Variants in NCAM2 observed in about 807,000 individuals in gnomAD.
The protein encoded by NCAM2 is N-CAM-2.
NCAM2 carries 30 observed loss-of-function variants against 98.1 expected under a neutral mutation model. That is an observed-to-expected ratio of 0.31 (90% CI 0.23 to 0.41). NCAM2 has a LOEUF of 0.41. NCAM2 is among the 10% of genes least tolerant of loss of function. NCAM2 has a pLI of 1.00. For synonymous variants in NCAM2, 368 were observed against 342.4 expected (o/e 1.07, Z -0.83); for missense variants, 867 against 1,005.8 (o/e 0.86, Z 1.87).
At chr21:21,346,301 T>C (rs1194317165) in intron 8 of NCAM2, among the ~76,000 whole-genome samples, 1 of 150,580 alleles carries the variant, frequency 6.6e-6, no homozygotes, top group Non-Finnish European at 1.5e-5. Context: ...AAGGTTAATA[T>C]ATAATGACAA....
intron 9 of NCAM2, among the ~76,000 whole-genome samples, chr21:21,408,489 T>G (rs887026098): frequency 1.2e-4 from 18 of 152,162 alleles, no homozygotes; most frequent in African/African-American, 3.6e-4. Context: ...GAATCAAGAT[T>G]ATAAAGCTGT....
intron 1 of NCAM2, among the ~76,000 whole-genome samples, chr21:21,138,725 T>C (rs1222344814): frequency 6.6e-6 from 1 of 152,124 alleles, no homozygotes; most frequent in Admixed American, 6.6e-5. Context: ...ATTTGAAAAA[T>C]AGACTTAATA....
rs776751254 is a variant in NCAM2, at chr21:20,998,542, C to T, written c.-22C>T. On this transcript the variant is annotated 5_prime_UTR_variant, in exon 1 of 18. Transcript: ENST00000400546. ...CTGGACTTAATAACTTTGAAACTGT[C>T]CACCGGTGTCACGTCCTGAACATGA... 5 of 1,612,904 alleles carry T rather than the reference C, an allele frequency of 3.1e-6. No individual in the cohort carries two copies. The Admixed American group carries it at 6.7e-5, about 21-fold the overall frequency.
chr21:21,227,434 C>T (rs1267716924), intron 1 of NCAM2, among the ~76,000 whole-genome samples: 4 of 151,536 alleles, frequency 2.6e-5, no homozygotes, highest in Non-Finnish European at 5.9e-5. Flanking sequence ...ATACAGAAAA[C>T]GTAGTCAAAA....
intron 8 of NCAM2, among the ~76,000 whole-genome samples, chr21:21,366,442 A>C (rs958180421): frequency 2.0e-4 from 30 of 152,084 alleles, no homozygotes; most frequent in African/African-American, 7.2e-4. Flanking sequence ...ATCTTATTTA[A>C]TTCTCACCAG....
chr21:21,180,087 T>C (rs529417031), intron 1 of NCAM2, among the ~76,000 whole-genome samples: 1 of 152,282 alleles, frequency 6.6e-6, no homozygotes, highest in East Asian at 1.9e-4. Flanking sequence ...GTCCTTCCTC[T>C]TGGCTTCTCC....
chr21:21,465,375 A>G (rs2611834), intron 12 of NCAM2, among the ~76,000 whole-genome samples: 80,058 of 151,572 alleles, frequency 0.53, 22,070 homozygotes, highest in African/African-American at 0.59. Flanking sequence ...GAGCCCAAGA[A>G]TTCAACACCA....
intron 1 of NCAM2, among the ~76,000 whole-genome samples, chr21:21,258,840 C>T (rs527551000): frequency 6.6e-5 from 10 of 152,156 alleles, no homozygotes; most frequent in East Asian, 2.0e-4. Context: ...AGAGTGCCTG[C>T]GGAGCTGCAG....
At chr21:21,521,358 C>A (rs1190635329) in intron 16 of NCAM2, among the ~76,000 whole-genome samples, 1 of 152,144 alleles carries the variant, frequency 6.6e-6, no homozygotes, top group Non-Finnish European at 1.5e-5. Flanking sequence ...TACCCCTACT[C>A]AGTATGTTAT....
intron 7 of NCAM2, among the ~76,000 whole-genome samples, chr21:21,335,915 G>C (rs1027957338): frequency 6.6e-6 from 1 of 152,062 alleles, no homozygotes; most frequent in Non-Finnish European, 1.5e-5. Flanking sequence ...ATTACACCTA[G>C]TGGGGTTTGT....
chr21:21,337,528 T>G (rs1172395111), intron 7 of NCAM2, among the ~76,000 whole-genome samples: 3 of 152,032 alleles, frequency 2.0e-5, no homozygotes, highest in African/African-American at 7.2e-5. Flanking sequence ...CTTTGTTAAA[T>G]GTATTAAAAT....
intron 3 of NCAM2, among the ~76,000 whole-genome samples, chr21:21,285,944 CT>C (rs1213250140): frequency 6.6e-6 from 1 of 151,850 alleles, no homozygotes; most frequent in Non-Finnish European, 1.5e-5. Context: ...TGAGAACAAA[CT>C]TGGAATGTTC....
chr21:21,187,556 A>G (rs1481225188), intron 1 of NCAM2, among the ~76,000 whole-genome samples: 2 of 152,194 alleles, frequency 1.3e-5, no homozygotes, highest in Non-Finnish European at 2.9e-5. Context: ...GGGCTTTCAA[A>G]GGAGAAAGCA....
At chr21:21,032,625 T>G (rs1044866603) in intron 1 of NCAM2, among the ~76,000 whole-genome samples, 1 of 152,212 alleles carries the variant, frequency 6.6e-6, no homozygotes, top group African/African-American at 2.4e-5. Context: ...TTTGCCTTAG[T>G]TATAAAATAT....
At chr21:21,060,985 G>A (rs2065309583) in intron 1 of NCAM2, among the ~76,000 whole-genome samples, 1 of 152,066 alleles carries the variant, frequency 6.6e-6, no homozygotes, top group African/African-American at 2.4e-5. Context: ...AAGATTGTAT[G>A]TGAGGAAGAT....
chr21:21,085,401 G>A (rs1029293240), intron 1 of NCAM2, among the ~76,000 whole-genome samples: 13 of 152,070 alleles, frequency 8.5e-5, no homozygotes, highest in South Asian at 2.1e-4. Context: ...CATCTGCTCC[G>A]ATTATCTCTC....
chr21:21,357,241 C>A (rs2075516213), intron 8 of NCAM2, among the ~76,000 whole-genome samples: 1 of 152,210 alleles, frequency 6.6e-6, no homozygotes, highest in South Asian at 2.1e-4. Flanking sequence ...AATGCGTATG[C>A]CTCACAGTCC....
At chr21:21,267,028 T>A (rs2072309389) in intron 1 of NCAM2, among the ~76,000 whole-genome samples, 1 of 152,152 alleles carries the variant, frequency 6.6e-6, no homozygotes, top group South Asian at 2.1e-4. Flanking sequence ...TTATTTTTCC[T>A]AATCCTCTCC....
At chr21:21,397,631 T>C (rs1237230559) in intron 9 of NCAM2, among the ~76,000 whole-genome samples, 1 of 152,168 alleles carries the variant, frequency 6.6e-6, no homozygotes, top group Non-Finnish European at 1.5e-5. Flanking sequence ...CTTCCCAGCC[T>C]TTGGGGGAAG....
Sources: gnomAD v4.1 joint callset for allele counts (sites outside exome capture counted in the v4.1 genomes callset) on GRCh38, gnomAD v4.1.1 for gene constraint, MANE v1.5 for transcripts, NCBI Gene and HGNC (gene_info 2026-07-23, HGNC 2026-07-21) for gene names.